PHC3: variants seen among roughly 807,000 people sequenced by gnomAD.
The protein encoded by PHC3 is polyhomeotic-like protein 3.
A neutral mutation model predicts 107.4 loss-of-function variants in PHC3; 13 were observed. That is an observed-to-expected ratio of 0.12 (90% CI 0.08 to 0.19). The LOEUF is 0.19. PHC3 is among the 10% of genes least tolerant of loss of function. The probability of loss-of-function intolerance (pLI) is 1.00; values close to 1 mark genes in which losing one functional copy is unlikely to be tolerated. For synonymous variants in PHC3, 456 were observed against 427.4 expected, an observed-to-expected ratio of 1.07 and a Z score of -0.83; for missense variants, 992 against 1,210.9, an observed-to-expected ratio of 0.82 and a Z score of 2.68.
chr3:170,130,013 C>T (rs1049228331), intron 7 of PHC3, among the ~76,000 whole-genome samples: 3 of 152,088 alleles, frequency 2.0e-5, no homozygotes, highest in South Asian at 2.1e-4. Context: ...TATTTAATGA[C>T]AATTTATAGT....
intron 14 of PHC3, chr3:170,102,091 AAGGTT>A: frequency 1.1e-6 from 1 of 940,640 alleles, no homozygotes; most frequent in African/African-American, 1.8e-5. Context: ...CATTTTTTAA[AAGGTT>A]AAATTAGGAA....
intron 8 of PHC3, 164 bp downstream of exon 8, chr3:170,128,520 T>G: frequency 8.6e-7 from 1 of 1,159,042 alleles, no homozygotes; most frequent in Non-Finnish European, 1.2e-6. Flanking sequence ...AATGGCATTT[T>G]TTTTTTTTTG....
chr3:170,177,666 A>ATTTTT (rs67401455), intron 2 of PHC3, among the ~76,000 whole-genome samples: 3 of 101,968 alleles, frequency 2.9e-5, no homozygotes, highest in Admixed American at 1.2e-4. Context: ...CACGCCCAGC[A>ATTTTT]TTTTTTTTTT....
Position 170,103,068 on chromosome 3 carries a change from A to C in PHC3, c.2469-134T>G, listed in dbSNP as rs962676944. On this transcript the variant is annotated intron_variant, in intron 12 of 14. Transcript: ENST00000495893. Reference sequence around the variant, plus strand: ...TCATTAATGAATGTAAGACCTCATAAAGTAACTACACTGTTCAATGGATTT... The same window carrying C: ...TCATTAATGAATGTAAGACCTCATACAGTAACTACACTGTTCAATGGATTT... The C allele has an allele frequency of 2.1e-5, 19 of 900,928 alleles. No individual in the cohort carries two copies. The Admixed American group carries it at 4.5e-4, about 21-fold the overall frequency. The allele number at this position is 900,928 out of a possible 1,614,324, so 55.8% of individuals were successfully genotyped here. A position where few individuals can be genotyped will look rare whatever the true frequency, so the allele number is the denominator to read the frequency against.
At chr3:170,169,260 C>A (rs1445873861) in intron 4 of PHC3, among the ~76,000 whole-genome samples, 1 of 152,086 alleles carries the variant, frequency 6.6e-6, no homozygotes, top group East Asian at 1.9e-4. Flanking sequence ...GCTGTTTTTT[C>A]TTCTGGAGAA....
At chr3:170,177,136 T>C (rs1030419050) in intron 2 of PHC3, among the ~76,000 whole-genome samples, 6 of 152,204 alleles carry the variant, frequency 3.9e-5, no homozygotes, top group Non-Finnish European at 8.8e-5. Context: ...TTAGGGTTCT[T>C]AGGCCACCTG....
intron 4 of PHC3, among the ~76,000 whole-genome samples, chr3:170,154,503 T>G (rs987985245): frequency 1.3e-5 from 2 of 152,328 alleles, no homozygotes; most frequent in Middle Eastern, 3.4e-3. Flanking sequence ...TTACACATTC[T>G]CTAAAGAAAA....
chr3:170,173,956 G>A (rs531032597), intron 2 of PHC3, among the ~76,000 whole-genome samples: 196 of 152,314 alleles, frequency 1.3e-3, no homozygotes, highest in Non-Finnish European at 2.3e-3. Flanking sequence ...ACTTTGGGAG[G>A]CCAAGGCAGG....
At chr3:170,138,324 T>C (rs1049821294) in intron 6 of PHC3, among the ~76,000 whole-genome samples, 3 of 152,206 alleles carry the variant, frequency 2.0e-5, no homozygotes, top group African/African-American at 7.2e-5. Flanking sequence ...TTCTCTGATT[T>C]TTCTCAAATA....
intron 2 of PHC3, among the ~76,000 whole-genome samples, chr3:170,178,115 G>A (rs1279456481): frequency 1.3e-5 from 2 of 151,776 alleles, no homozygotes; most frequent in African/African-American, 2.4e-5. Context: ...TAAGGACTCC[G>A]CCCACATGAA....
intron 1 of PHC3, among the ~76,000 whole-genome samples, chr3:170,181,017 G>A (rs1286604645): frequency 6.6e-6 from 1 of 152,218 alleles, no homozygotes; most frequent in Non-Finnish European, 1.5e-5. Context: ...AGTAAGTTCT[G>A]GAGTCGTTAA....
At chr3:170,155,290 A>G (rs571766458) in intron 4 of PHC3, among the ~76,000 whole-genome samples, 24 of 152,380 alleles carry the variant, frequency 1.6e-4, no homozygotes, top group African/African-American at 5.8e-4. Context: ...AGAATGATGT[A>G]TCTGTATTCA....
At chr3:170,150,756 A>T in intron 4 of PHC3, 1 of 418,188 alleles carries the variant, frequency 2.4e-6, no homozygotes, top group Non-Finnish European at 4.8e-6. Context: ...AAACTAGTGC[A>T]TTGTTAACCT....
rs1485579939 is a variant in PHC3, at chr3:170,106,467, T to C, written c.2468+365A>G. Among the ~76,000 whole-genome samples the C allele has an allele frequency of 5.9e-5, 9 of 152,186 alleles. No homozygotes were observed. In the East Asian group the frequency reaches 1.7e-3, roughly 29 times the overall value. On this transcript the variant is annotated intron_variant, in intron 12 of 14. Coordinates refer to ENST00000495893, the MANE Select transcript of PHC3 (RefSeq NM_024947.4). Reference sequence around the variant, plus strand: ...CAGCTGATAAAACAAATACTGTTTTTGATACTTTAAGGACTAGTATTATAT... The same window carrying C: ...CAGCTGATAAAACAAATACTGTTTTCGATACTTTAAGGACTAGTATTATAT...
At chr3:170,108,086 T>A (rs1716913133) in intron 11 of PHC3, among the ~76,000 whole-genome samples, 1 of 152,176 alleles carries the variant, frequency 6.6e-6, no homozygotes, top group African/African-American at 2.4e-5. Flanking sequence ...GTAAAACTTG[T>A]TAAATTCTTA....
rs536814748 is a variant in PHC3, at chr3:170,091,357, T to G, written c.*5873A>C. 27 of 152,212 alleles carry G rather than the reference T, an allele frequency of 1.8e-4. No homozygotes were observed. The highest frequency in any genetic ancestry group is 3.1e-4 in the Non-Finnish European group (21 of 68,034). The allele number at this position is 152,212 out of a possible 1,614,324, so 9.4% of individuals were successfully genotyped here. A position where few individuals can be genotyped will look rare whatever the true frequency, so the allele number is the denominator to read the frequency against. ...TTTTTTTAAACAACAAATTTTGTTT[T>G]CTTTCTATGGATTCATACTGAACAC... On this transcript the variant is annotated 3_prime_UTR_variant, in exon 15 of 15. Transcript: ENST00000495893.
At chr3:170,115,635 A>G (rs1718772170) in intron 10 of PHC3, among the ~76,000 whole-genome samples, 1 of 152,208 alleles carries the variant, frequency 6.6e-6, no homozygotes, top group African/African-American at 2.4e-5. Context: ...CTCACTAGTG[A>G]TAACAGATAA....
intron 2 of PHC3, chr3:170,176,811 C>A: frequency 2.3e-6 from 1 of 426,910 alleles, no homozygotes. Context: ...CTTCATTAAT[C>A]TCAAAGATAC....
intron 4 of PHC3, among the ~76,000 whole-genome samples, chr3:170,154,855 T>C (rs1052890617): frequency 1.3e-5 from 2 of 152,210 alleles, no homozygotes; most frequent in Non-Finnish European, 2.9e-5. Context: ...AAAACTGTCC[T>C]TCCTTTCCAC....
Sources: allele counts gnomAD v4.1 joint callset (sites outside exome capture counted in the v4.1 genomes callset), GRCh38; gene constraint gnomAD v4.1.1; transcripts MANE v1.5; gene names NCBI Gene and HGNC (gene_info 2026-07-23, HGNC 2026-07-21).